Variants in FANCA observed in about 807,000 individuals in gnomAD.
FANCA encodes Fanconi anemia group A protein.
In FANCA, 236 loss-of-function variants were observed where a neutral mutation model predicts 194.3. That is an observed-to-expected ratio of 1.21 (90% CI 1.09 to 1.35). The LOEUF (loss-of-function observed/expected upper bound fraction) is 1.35. FANCA is among the 40% of genes most tolerant of loss of function. The probability of loss-of-function intolerance (pLI) is 0.00; values close to 1 mark genes in which losing one functional copy is unlikely to be tolerated. For synonymous variants in FANCA, 1,014 were observed against 715.8 expected, an observed-to-expected ratio of 1.42 and a Z score of -6.65; for missense variants, 2,628 against 1,813.9, an observed-to-expected ratio of 1.45 and a Z score of -8.15.
At chr16:89,743,489 T>A (rs991170803) in intron 36 of FANCA, among the ~76,000 whole-genome samples, 3 of 152,146 alleles carry the variant, frequency 2.0e-5, no homozygotes, top group Non-Finnish European at 4.4e-5. Context: ...CCCAGCAGTT[T>A]GAGATCTGCC....
In FANCA at chr16:89,767,205, C is replaced by G; in HGVS notation, c.2537G>C (p.Cys846Ser). The part of the protein sequence containing the change: ...FCTAAISYSL[C>S]KFSSQSRDTL... ...ATCTCGTGACTGGGAAGAAAACTTG[C>G]AGAGAGAGTAAGAAATTGCTGCTGT... Residue 846 changes from cysteine (C) to serine (S), a missense_variant, in exon 27 of 43, where the codon TGC (cysteine) becomes TCC (serine). Coordinates refer to ENST00000389301, the MANE Select transcript of FANCA (RefSeq NM_000135.4). The G allele has an allele frequency of 1.2e-6, 2 of 1,613,620 alleles. No individual in the cohort carries two copies. Among genetic ancestry groups the G allele is most frequent in the Non-Finnish European group, 1.7e-6 (2 of 1,179,600 alleles).
At chr16:89,809,090 T>C (rs981801467) in intron 5 of FANCA, among the ~76,000 whole-genome samples, 10 of 152,026 alleles carry the variant, frequency 6.6e-5, no homozygotes, top group East Asian at 2.0e-4. Context: ...TATTTTTTAG[T>C]AGAGACGGGG....
chr16:89,779,884 G>C lies in FANCA; in HGVS notation c.1700C>G (p.Thr567Ser), dbSNP rs775083851. The change falls in exon 18 of 43, where the codon ACC becomes AGC. Residue 567 changes from threonine (T) to serine (S), a missense_variant. Coordinates refer to ENST00000389301, the MANE Select transcript of FANCA (RefSeq NM_000135.4). Reference protein sequence around the residue: ...VFEHTGNIPVTVMEASIFRRP... With the variant: ...VFEHTGNIPVSVMEASIFRRP... ...CCCAGCCTACCTGGCCTCCATGACG[G>C]TGACTGGGATGTTCCCCGTATGCTC... 6.2e-7 allele frequency: 1 copy of C among 1,613,844 alleles called. No individual in the cohort carries two copies. The highest frequency in any genetic ancestry group is 2.2e-5 in the East Asian group (1 of 44,890).
intron 8 of FANCA, 36 bp from the exon 9 acceptor site, chr16:89,799,674 T>C: frequency 1.9e-6 from 3 of 1,560,000 alleles, no homozygotes; most frequent in Non-Finnish European, 2.7e-6. Context: ...ATCTTGGTAA[T>C]CTTCTGTAAT....
At chr16:89,742,653 CAAAAAAAA>C (rs749345470) in intron 37 of FANCA, 139 bp downstream of exon 37, 386 of 310,706 alleles carry the variant, frequency 1.2e-3, no homozygotes, top group South Asian at 5.8e-3. Context: ...ACTAAAAATA[CAAAAAAAA>C]AAAAAAAAAA....
In FANCA at chr16:89,775,725, G is replaced by C. The variant is rs1334564002; in HGVS notation, c.1900+17C>G. Reference sequence around the variant, plus strand: ...AAAGCACAAGTCCCAGAGTGGACAAGCGGCCCAGGAACTTACCTTCTGGCT... The same window carrying C: ...AAAGCACAAGTCCCAGAGTGGACAACCGGCCCAGGAACTTACCTTCTGGCT... On this transcript the variant is annotated intron_variant, in intron 21 of 42. Coordinates refer to ENST00000389301, the MANE Select transcript of FANCA (RefSeq NM_000135.4). The C allele has an allele frequency of 1.2e-6, 2 of 1,603,652 alleles. No homozygotes were observed. The highest frequency in any genetic ancestry group is 2.2e-5 in the East Asian group (1 of 44,788).
At chr16:89,806,206 C>G (rs948795040) in intron 6 of FANCA, among the ~76,000 whole-genome samples, 2 of 152,202 alleles carry the variant, frequency 1.3e-5, no homozygotes, top group African/African-American at 2.4e-5. Context: ...AGCCACCGCA[C>G]CTGGCCTTGG....
Position 89,742,815 on chromosome 16 carries a change from G to C in FANCA, c.3750C>G (p.Asp1250Glu), listed in dbSNP as rs777313447. Residue 1250 changes from aspartate (D) to glutamate (E), a missense_variant, in exon 37 of 43, where the codon GAC becomes GAG. Transcript: ENST00000389301. Reference protein sequence around the residue: ...ENIRKQLKKLDCEREELLVFL... With the variant: ...ENIRKQLKKLECEREELLVFL... ...CCTATCTTGCCTCCTCTCTCTCGCAGTCCAGCTTCTTTAGCTGCTTCCTGA... is the reference window on the plus strand; with the variant it reads ...CCTATCTTGCCTCCTCTCTCTCGCACTCCAGCTTCTTTAGCTGCTTCCTGA... 9.9e-6 allele frequency: 16 copies of C among 1,614,026 alleles called. No individual in the cohort carries two copies. Among genetic ancestry groups the C allele is most frequent in the Admixed American group, 1.7e-5 (1 of 59,992 alleles).
At chr16:89,807,502 C>T (rs574239256) in intron 6 of FANCA, among the ~76,000 whole-genome samples, 2 of 151,850 alleles carry the variant, frequency 1.3e-5, no homozygotes, top group African/African-American at 4.8e-5. Context: ...GTAATCCCAG[C>T]ACTTTGGGAG....
At chr16:89,814,458 T>G in intron 3 of FANCA, 62 bp downstream of exon 3, 1 of 1,271,434 alleles carries the variant, frequency 7.9e-7, no homozygotes, top group Non-Finnish European at 1.1e-6. Flanking sequence ...TTTAGCAAAC[T>G]ATGGTTACTA....
intron 8 of FANCA, among the ~76,000 whole-genome samples, chr16:89,802,198 G>C (rs17232358): frequency 0.05 from 7,549 of 152,022 alleles, 662 homozygotes; most frequent in African/African-American, 0.17. Context: ...CCGCCTCCTG[G>C]GTTCAAGCAA....
At chr16:89,762,249 C>T (rs1019288217) in intron 28 of FANCA, among the ~76,000 whole-genome samples, 1 of 152,182 alleles carries the variant, frequency 6.6e-6, no homozygotes, top group Non-Finnish European at 1.5e-5. Flanking sequence ...ATCCTTCTTT[C>T]TAAGTATAAA....
chr16:89,811,824 AG>A (rs1359953305), intron 3 of FANCA, among the ~76,000 whole-genome samples: 3 of 152,082 alleles, frequency 2.0e-5, no homozygotes, highest in East Asian at 3.9e-4. Context: ...TCCGCCTCTC[AG>A]GTTCAAGCGA....
intron 8 of FANCA, among the ~76,000 whole-genome samples, chr16:89,800,288 G>A (rs543226716): frequency 6.6e-6 from 1 of 152,300 alleles, no homozygotes; most frequent in Non-Finnish European, 1.5e-5. Flanking sequence ...GCCAGAAGAC[G>A]GTGAGAAGGT....
In FANCA at chr16:89,738,711, G is replaced by A. The variant is rs765478990; in HGVS notation, c.4261-3C>T. On this transcript the variant is annotated splice_polypyrimidine_tract_variant and splice_region_variant and intron_variant, in intron 42 of 42. Transcript: ENST00000389301. ...CAGTCCCCACGATCAGCCAGCAGCT[G>A]TGAGAGAGGAGCAGGTCCTCAGCCC... The A allele has an allele frequency of 5.0e-6, 8 of 1,613,728 alleles. No individual in the cohort carries two copies. The East Asian group carries it at 8.9e-5, about 18-fold the overall frequency.
At chr16:89,772,832 A>G (rs2039370381) in intron 22 of FANCA, among the ~76,000 whole-genome samples, 1 of 151,804 alleles carries the variant, frequency 6.6e-6, no homozygotes, top group South Asian at 2.1e-4. Flanking sequence ...AAAAAAAAAG[A>G]AAAAAGAAAC....
chr16:89,810,375 G>GA (rs1050360017), intron 5 of FANCA, among the ~76,000 whole-genome samples: 90 of 147,978 alleles, frequency 6.1e-4, no homozygotes, highest in African/African-American at 2.1e-3. Flanking sequence ...CCTGTCTCTG[G>GA]AAAAAAAAAT....
At chr16:89,745,202 C>T in intron 35 of FANCA, 131 bp from the exon 36 acceptor site, 1 of 822,850 alleles carries the variant, frequency 1.2e-6, no homozygotes. Context: ...CTCTGGAACT[C>T]CAAAGCCAGT....
At chr16:89,801,783 G>A (rs546030631) in intron 8 of FANCA, among the ~76,000 whole-genome samples, 1 of 152,102 alleles carries the variant, frequency 6.6e-6, no homozygotes, top group South Asian at 2.1e-4. Flanking sequence ...AGCTATTCGG[G>A]AGGCTGAGGC....
Sources: gnomAD v4.1 joint callset for allele counts (sites outside exome capture counted in the v4.1 genomes callset) on GRCh38, gnomAD v4.1.1 for gene constraint, MANE v1.5 for transcripts, NCBI Gene and HGNC (gene_info 2026-07-23, HGNC 2026-07-21) for gene names.